Variants in C5 observed in about 807,000 individuals in gnomAD.
The protein encoded by C5 is complement C5.
Under a neutral mutation model 218.8 loss-of-function variants are expected in C5, and 140 were observed. The ratio of observed to expected loss-of-function variants is 0.64; its 90% CI spans 0.56 to 0.74. The LOEUF is 0.74. Among genes scored for constraint, C5 ranks in the 30% least tolerant of loss-of-function variants. C5 has a pLI of 0.00. For missense variants in C5, 1,700 were observed against 1,969.6 expected (o/e 0.86, Z 2.59); for synonymous variants, 614 against 682.3 (o/e 0.90, Z 1.56).
chr9:120,983,404 T>TC (rs2047009997), intron 25 of C5, among the ~76,000 whole-genome samples: 1 of 152,078 alleles, frequency 6.6e-6, no homozygotes, highest in East Asian at 1.9e-4. Flanking sequence ...ATTGGGTTCA[T>TC]CCCCCCATAA....
chr9:121,004,911 T>C lies in C5; in HGVS notation c.2562+1008A>G, dbSNP rs188541404. ...TTTAAAAGTAATAGATTGCCATCTT[T>C]TAAAAAATGTATGATAAAAATTTTA... is the stretch of plus-strand genomic sequence containing the variant. On this transcript the variant is annotated intron_variant, in intron 20 of 40. Transcript: ENST00000223642. Among the ~76,000 whole-genome samples the C allele has an allele frequency of 4.6e-5, 7 of 152,282 alleles. No individual in the cohort carries two copies. The East Asian group carries it at 1.3e-3, about 29-fold the overall frequency.
chr9:120,966,561 T>A (rs2046869507), intron 33 of C5, among the ~76,000 whole-genome samples: 1 of 152,184 alleles, frequency 6.6e-6, no homozygotes, highest in South Asian at 2.1e-4. Flanking sequence ...AGGCACTGAT[T>A]CGAGCTCTGC....
intron 33 of C5, among the ~76,000 whole-genome samples, chr9:120,967,362 G>A (rs1317001513): frequency 6.6e-6 from 1 of 152,010 alleles, no homozygotes; most frequent in Non-Finnish European, 1.5e-5. Flanking sequence ...GCATTTGGCA[G>A]GCGACTTTAT....
At chr9:120,975,033 G>T in intron 29 of C5, 102 bp from the exon 30 acceptor site, 1 of 1,342,398 alleles carries the variant, frequency 7.4e-7, no homozygotes, top group Non-Finnish European at 1.1e-6. Flanking sequence ...ATTGTCTGGA[G>T]ATGAAACTCC....
intron 20 of C5, among the ~76,000 whole-genome samples, chr9:121,002,222 A>ATG (rs71370612): frequency 0.25 from 21,440 of 85,146 alleles, 3,250 homozygotes; most frequent in African/African-American, 0.41. Flanking sequence ...ATACGTATAT[A>ATG]TATATATGTA....
the C5 span, among the ~76,000 whole-genome samples, chr9:121,065,306 C>G: frequency 6.6e-6 from 1 of 152,040 alleles, no homozygotes; most frequent in South Asian, 2.1e-4. Context: ...CATGGATCTA[C>G]AGCCAATATA....
At chr9:121,068,780 T>A in the C5 span, among the ~76,000 whole-genome samples, 2 of 152,080 alleles carry the variant, frequency 1.3e-5, no homozygotes, top group Non-Finnish European at 2.9e-5. Context: ...TAAAAACAGA[T>A]AGCCAGACAA....
chr9:121,003,111 T>G (rs1474668209), intron 20 of C5, among the ~76,000 whole-genome samples: 1 of 152,092 alleles, frequency 6.6e-6, no homozygotes, highest in Non-Finnish European at 1.5e-5. Flanking sequence ...GACCACATGG[T>G]GAAACCCTGT....
chr9:121,045,618 G>C (rs1046328592), intron 2 of C5, among the ~76,000 whole-genome samples: 3 of 151,950 alleles, frequency 2.0e-5, no homozygotes, highest in Admixed American at 1.3e-4. Flanking sequence ...AGAATTTTTA[G>C]TAAAAATAAG....
At chr9:121,023,910 G>A (rs2047388987) in intron 9 of C5, among the ~76,000 whole-genome samples, 1 of 151,762 alleles carries the variant, frequency 6.6e-6, no homozygotes, top group Non-Finnish European at 1.5e-5. Flanking sequence ...CAGAAGTGGA[G>A]GTGGGGGATG....
intron 19 of C5, 135 bp downstream of exon 19, chr9:121,006,769 A>T: frequency 3.0e-6 from 2 of 669,126 alleles, no homozygotes; most frequent in East Asian, 5.5e-5. Flanking sequence ...TCTTTTGGTA[A>T]TACATAAAAA....
At chr9:121,019,711 C>G (rs1229251010) in intron 12 of C5, among the ~76,000 whole-genome samples, 2 of 152,144 alleles carry the variant, frequency 1.3e-5, no homozygotes, top group Non-Finnish European at 2.9e-5. Context: ...GTCCTCAGCT[C>G]AAATCAAAAT....
intron 25 of C5, among the ~76,000 whole-genome samples, chr9:120,985,876 T>G (rs1373534216): frequency 6.6e-6 from 1 of 152,196 alleles, no homozygotes; most frequent in African/African-American, 2.4e-5. Flanking sequence ...AAATCAAGGA[T>G]GTGAAATGTC....
upstream of C5, among the ~76,000 whole-genome samples, chr9:121,053,655 C>T (rs994228208): frequency 6.6e-6 from 1 of 152,144 alleles, no homozygotes; most frequent in East Asian, 1.9e-4. Context: ...GGGAAGATCT[C>T]CCTGTATTGC....
At chr9:121,073,078 A>G in the C5 span, among the ~76,000 whole-genome samples, 1 of 152,142 alleles carries the variant, frequency 6.6e-6, no homozygotes, top group African/African-American at 2.4e-5. Context: ...CGTCCCCTGA[A>G]TTTCCTATAG....
At chr9:121,070,404 T>TATAC in the C5 span, among the ~76,000 whole-genome samples, 3 of 135,926 alleles carry the variant, frequency 2.2e-5, no homozygotes, top group Non-Finnish European at 4.7e-5. Context: ...TATATATATA[T>TATAC]ATATATATAT....
chr9:120,999,895 T>C (rs1447881146), intron 20 of C5: 2 of 451,582 alleles, frequency 4.4e-6, no homozygotes, highest in South Asian at 3.1e-5. Flanking sequence ...CATGACACTT[T>C]AAAATGCTGT....
chr9:121,025,297 T>A (rs751809772), intron 9 of C5, among the ~76,000 whole-genome samples, 157 bp downstream of exon 9: 14 of 152,102 alleles, frequency 9.2e-5, no homozygotes, highest in Non-Finnish European at 1.8e-4. Context: ...TATAACTATA[T>A]AAAAGTCTAC....
chr9:121,002,327 TATATATATATATATACAC>T (rs2047178578), intron 20 of C5, among the ~76,000 whole-genome samples: 1 of 113,406 alleles, frequency 8.8e-6, no homozygotes, highest in African/African-American at 3.7e-5. Flanking sequence ...TATATATATA[TATATATATATATATACAC>T]ACATACCTAC....
Sources: gnomAD v4.1 joint callset for allele counts (sites outside exome capture counted in the v4.1 genomes callset) on GRCh38, gnomAD v4.1.1 for gene constraint, MANE v1.5 for transcripts, NCBI Gene and HGNC (gene_info 2026-07-23, HGNC 2026-07-21) for gene names.